Variants in MYO1E observed in about 807,000 individuals in gnomAD.
MYO1E encodes the protein unconventional myosin-Ie.
A neutral mutation model predicts 151.1 loss-of-function variants in MYO1E; 68 were observed. The observed-to-expected ratio is 0.45, with a 90% confidence interval of 0.37 to 0.55. The LOEUF (loss-of-function observed/expected upper bound fraction) is 0.55. Ranked by LOEUF, MYO1E falls within the 20% of genes least tolerant of loss-of-function variation. MYO1E has a pLI of 0.00. For synonymous variants in MYO1E, 601 were observed against 501.7 expected (o/e 1.20, Z -2.64); for missense variants, 1,363 against 1,389.3 (o/e 0.98, Z 0.30).
In MYO1E at chr15:59,372,662, T is replaced by G. The variant is rs1596448374; in HGVS notation, c.-162A>C. 3.4e-6 allele frequency: 3 copies of G among 876,018 alleles called. No homozygotes were observed. The highest frequency in any genetic ancestry group is 1.7e-5 in the African/African-American group (1 of 57,616). The allele number at this position is 876,018 out of a possible 1,614,324, so 54.3% of individuals were successfully genotyped here. A position where few individuals can be genotyped will look rare whatever the true frequency, so the allele number is the denominator to read the frequency against. ...GAGCCAATGGGAACCCAGAGGGGAC[T>G]CCATCCAGGCGGGATTGGCGGTGCT... is the stretch of plus-strand genomic sequence containing the variant. On this transcript the variant is annotated 5_prime_UTR_variant, in exon 1 of 28. Coordinates refer to ENST00000288235, the MANE Select transcript of MYO1E (RefSeq NM_004998.4).
chr15:59,138,003 TAAATA>T (rs1376169517), intron 27 of MYO1E, among the ~76,000 whole-genome samples, 190 bp downstream of exon 27: 1 of 152,140 alleles, frequency 6.6e-6, no homozygotes, highest in Non-Finnish European at 1.5e-5. Context: ...GGAGGGAATA[TAAATA>T]AGGGGGCAGA....
intron 1 of MYO1E, among the ~76,000 whole-genome samples, chr15:59,344,879 G>A (rs1276262045): frequency 1.3e-5 from 2 of 152,170 alleles, no homozygotes; most frequent in African/African-American, 2.4e-5. Context: ...ATAGGCACTA[G>A]AATCAATAGG....
chr15:59,268,149 CTATTA>C (rs1347313083), intron 2 of MYO1E, among the ~76,000 whole-genome samples: 3 of 152,178 alleles, frequency 2.0e-5, no homozygotes, highest in East Asian at 1.9e-4. Context: ...TAATGCCATT[CTATTA>C]TAATATTCCC....
intron 2 of MYO1E, among the ~76,000 whole-genome samples, chr15:59,261,968 G>A (rs1414740633): frequency 6.6e-6 from 1 of 152,144 alleles, no homozygotes; most frequent in East Asian, 1.9e-4. Context: ...TTGGGAGGCT[G>A]AGGTGGGGAG....
At position 59,217,726 on chromosome 15, in the gene MYO1E, C is replaced by A. The variant is rs554748366; in HGVS notation, c.1107+165G>T. 4.0e-5 allele frequency among the ~76,000 whole-genome samples: 6 copies of A among 151,662 alleles called. No homozygotes were observed. The South Asian group carries it at 1.3e-3, about 32-fold the overall frequency. ...GTTTTTTTGTAGAGACAGGGTCTCA[C>A]CATGTTGCAGAGGCTGGTCTCAAAC... On this transcript the variant is annotated intron_variant, in intron 10 of 27. Coordinates refer to ENST00000288235, the MANE Select transcript of MYO1E (RefSeq NM_004998.4).
intron 1 of MYO1E, among the ~76,000 whole-genome samples, chr15:59,305,814 T>C (rs2080511440): frequency 6.6e-6 from 1 of 152,156 alleles, no homozygotes. Context: ...TGTGGCCGTG[T>C]GACATAAGTG....
intron 6 of MYO1E, among the ~76,000 whole-genome samples, chr15:59,227,879 CAGA>C (rs1436693621): frequency 6.6e-6 from 1 of 152,134 alleles, no homozygotes; most frequent in Non-Finnish European, 1.5e-5. Flanking sequence ...TCTGCTCAAC[CAGA>C]AGGTGTAAAT....
chr15:59,370,123 C>G (rs1234966871), intron 1 of MYO1E, among the ~76,000 whole-genome samples: 2 of 152,158 alleles, frequency 1.3e-5, no homozygotes, highest in Non-Finnish European at 2.9e-5. Context: ...CAAGGGCCTT[C>G]TGATGAATTT....
chr15:59,311,805 C>T (rs1244238159), intron 1 of MYO1E, among the ~76,000 whole-genome samples: 1 of 152,112 alleles, frequency 6.6e-6, no homozygotes, highest in East Asian at 1.9e-4. Context: ...TAAATGGATG[C>T]TGTTATTGTG....
At chr15:59,206,535 A>G (rs1208741309) in intron 14 of MYO1E, among the ~76,000 whole-genome samples, 1 of 152,232 alleles carries the variant, frequency 6.6e-6, no homozygotes, top group Admixed American at 6.5e-5. Context: ...ATAGAGCCCT[A>G]TCCTTCCTGG....
In MYO1E at chr15:59,217,877, C is replaced by A; in HGVS notation, c.1107+14G>T. ...AGATATGAAGCATCACCAGCATCAA[C>A]TTCTGTTACTTACATCTACCAAGAA... is the stretch of plus-strand genomic sequence containing the variant. On this transcript the variant is annotated intron_variant, in intron 10 of 27. Transcript: ENST00000288235. 6.2e-7 allele frequency: 1 copy of A among 1,613,666 alleles called. No homozygotes were observed. Among genetic ancestry groups the A allele is most frequent in the Non-Finnish European group, 8.5e-7 (1 of 1,179,590 alleles).
intron 12 of MYO1E, 141 bp downstream of exon 12, chr15:59,214,087 G>A: frequency 1.5e-6 from 1 of 666,764 alleles, no homozygotes; most frequent in Non-Finnish European, 2.5e-6. Flanking sequence ...AATGGCATAT[G>A]GTTTTTCTGC....
intron 26 of MYO1E, among the ~76,000 whole-genome samples, chr15:59,139,368 C>A (rs138525770): frequency 1.4e-5 from 2 of 145,094 alleles, no homozygotes; most frequent in African/African-American, 2.6e-5. Context: ...TACCTCCCAC[C>A]GCTCATTGTT....
intron 1 of MYO1E, among the ~76,000 whole-genome samples, chr15:59,334,026 G>A (rs1289866787): frequency 3.3e-5 from 5 of 152,214 alleles, no homozygotes; most frequent in African/African-American, 1.2e-4. Flanking sequence ...GGGGCACAAT[G>A]ACTCACACCT....
At chr15:59,182,853 G>C (rs1385371243) in intron 18 of MYO1E, among the ~76,000 whole-genome samples, 1 of 152,158 alleles carries the variant, frequency 6.6e-6, no homozygotes, top group Non-Finnish European at 1.5e-5. Context: ...TTGGCACCAG[G>C]ATTCATGGAA....
At chr15:59,202,446 G>A in intron 15 of MYO1E, 39 bp from the exon 16 acceptor site, 1 of 1,571,582 alleles carries the variant, frequency 6.4e-7, no homozygotes, top group Non-Finnish European at 8.8e-7. Context: ...CAATCTGTAA[G>A]TACCTCTGGG....
In MYO1E at chr15:59,300,236, GA is replaced by G. The variant is rs760282464; in HGVS notation, c.4-27788del. Among the ~76,000 whole-genome samples the G allele has an allele frequency of 3.9e-5, 6 of 152,118 alleles. No individual in the cohort carries two copies. In the East Asian group the frequency reaches 5.8e-4, roughly 15 times the overall value. The stretch of plus-strand genomic sequence containing the variant: ...CCTGGCAATGAATGCCAGTCCCTAG[GA>G]AAAGGCTGAAGGGGGTGCTGGGTTT... On this transcript the variant is annotated intron_variant, in intron 1 of 27. Coordinates refer to ENST00000288235, the MANE Select transcript of MYO1E (RefSeq NM_004998.4).
At chr15:59,250,129 G>A (rs565699370) in intron 4 of MYO1E, among the ~76,000 whole-genome samples, 3 of 152,276 alleles carry the variant, frequency 2.0e-5, no homozygotes, top group South Asian at 2.1e-4. Flanking sequence ...TTTTGCCCTC[G>A]GTGACTGGGC....
chr15:59,231,634 T>C, intron 6 of MYO1E, 68 bp downstream of exon 6: 1 of 1,518,776 alleles, frequency 6.6e-7, no homozygotes, highest in Non-Finnish European at 9.1e-7. Flanking sequence ...TGTGGGATAC[T>C]AGACTTCAGT....
Sources: gnomAD v4.1 joint callset for allele counts (sites outside exome capture counted in the v4.1 genomes callset) on GRCh38, gnomAD v4.1.1 for gene constraint, MANE v1.5 for transcripts, NCBI Gene and HGNC (gene_info 2026-07-23, HGNC 2026-07-21) for gene names.